PRMT1: variants seen among roughly 807,000 people sequenced by gnomAD.
PRMT1 encodes the protein protein arginine N-methyltransferase 1.
Under a neutral mutation model 47.4 loss-of-function variants are expected in PRMT1, and 5 were observed. That is an observed-to-expected ratio of 0.11 (90% CI 0.06 to 0.22). PRMT1 has a LOEUF of 0.22. PRMT1 is among the 10% of genes least tolerant of loss of function. PRMT1 has a pLI of 1.00. For synonymous variants in PRMT1, 227 were observed against 204.6 expected (o/e 1.11, Z -0.94); for missense variants, 249 against 518.4 (o/e 0.48, Z 5.05).
chr19:49,687,133 C>T (rs1000196752), intron 10 of PRMT1, among the ~76,000 whole-genome samples: 137 of 152,166 alleles, frequency 9.0e-4, no homozygotes, highest in African/African-American at 2.9e-3. Context: ...GTAGAGTGCA[C>T]GGGGTTTTCT....
intron 5 of PRMT1, among the ~76,000 whole-genome samples, chr19:49,683,272 C>T (rs1195019921): frequency 6.6e-6 from 1 of 151,918 alleles, no homozygotes; most frequent in East Asian, 1.9e-4. Flanking sequence ...CCATTTGAAG[C>T]AAATTCCCAC....
chr19:49,686,259 C>T lies in PRMT1; in HGVS notation c.910+16C>T. On this transcript the variant is annotated intron_variant, in intron 9 of 10. Transcript: ENST00000454376. ...TTCTCCACCAGTGAGGCGGGGCCCA[C>T]AGGGCTGGGGGCCGTTCCCGAGCCA... 6.3e-7 allele frequency: 1 copy of T among 1,580,126 alleles called. No homozygotes were observed. The highest frequency in any genetic ancestry group is 8.6e-7 in the Non-Finnish European group (1 of 1,163,664).
In PRMT1 at chr19:49,688,359, G is replaced by C. The variant is rs2082243650; in HGVS notation, c.*114G>C. 7.4e-6 allele frequency: 7 copies of C among 944,752 alleles called. No individual in the cohort carries two copies. The highest frequency in any genetic ancestry group is 6.6e-5 in the South Asian group (5 of 75,476). 58.5% of individuals were successfully genotyped at this position (944,752 alleles called of 1,614,324 possible). A position where few individuals can be genotyped will look rare whatever the true frequency, so the allele number is the denominator to read the frequency against. ...GAAGGGGGTTTTAGGGGCCTGGGCT[G>C]GGGGGATGGGGAGGGCACATCGTGA... On this transcript the variant is annotated 3_prime_UTR_variant, in exon 11 of 11. Transcript: ENST00000454376. The surrounding 1 kb of genome is among the most constrained non-coding windows in gnomAD (Gnocchi z 5.3).
intron 1 of PRMT1, among the ~76,000 whole-genome samples, chr19:49,678,846 G>T (rs2082074533): frequency 6.6e-6 from 1 of 150,594 alleles, no homozygotes; most frequent in Non-Finnish European, 1.5e-5. Context: ...TGGGATGGGT[G>T]TCTGAATGGG....
At chr19:49,687,649 CAA>C (rs2082228696) in intron 10 of PRMT1, among the ~76,000 whole-genome samples, 1 of 152,074 alleles carries the variant, frequency 6.6e-6, no homozygotes. Context: ...CCACCCCCTA[CAA>C]AGACTCATGC....
Position 49,679,905 on chromosome 19 carries a change from C to T in PRMT1, c.70C>T (p.Leu24Phe), listed in dbSNP as rs1774182795. ...FVATLANGMSLQPPLEEVSCG... is the reference protein window; with the variant it reads ...FVATLANGMSFQPPLEEVSCG... ...AGCCACCTTGGCTAATGGGATGAGC[C>T]TCCAGCCGCCTCTTGAAGAAGTAAA... Residue 24 changes from leucine to phenylalanine, a missense_variant, in exon 2 of 11, where the codon CTC (leucine) becomes TTC (phenylalanine). Physicochemically the swap from Leu to Phe is conservative, Grantham distance 22. This residue lies in a region of PRMT1 where 59 missense variants were observed against 61.7 expected (regional missense o/e 0.96). Coordinates refer to ENST00000454376, the MANE Select transcript of PRMT1 (RefSeq NM_001536.6). 1.9e-6 allele frequency: 3 copies of T among 1,612,918 alleles called. No individual in the cohort carries two copies.
Position 49,685,928 on chromosome 19 carries a change from A to T in PRMT1, c.760-165A>T. ...CCACATGGTTTATTGGGAGCCGGAT[A>T]GGCAGGATGCAGAGTGAAGGAGGAG... is the stretch of plus-strand genomic sequence containing the variant. On this transcript the variant is annotated intron_variant, in intron 8 of 10. Coordinates refer to ENST00000454376, the MANE Select transcript of PRMT1 (RefSeq NM_001536.6). This position sits in a 1 kb window ranked among gnomAD's most constrained non-coding sequence, Gnocchi z 4.7. The T allele has an allele frequency of 7.0e-7, 1 of 1,436,420 alleles. No homozygotes were observed. Among genetic ancestry groups the T allele is most frequent in the East Asian group, 2.5e-5 (1 of 39,786 alleles). The allele number at this position is 1,436,420 out of a possible 1,614,324, so 89.0% of individuals were successfully genotyped here.
rs1174701442 is a variant in PRMT1 at position 49,685,569 on chromosome 19, G to A, written c.760-524G>A. ...TTAAAAAAAAAAAATACGGCGATGA[G>A]TATTTGTTGAGCTGGGATGTGTGAG... On this transcript the variant is annotated intron_variant, in intron 8 of 10. Coordinates refer to ENST00000454376, the MANE Select transcript of PRMT1 (RefSeq NM_001536.6). This position sits in a 1 kb window ranked among gnomAD's most constrained non-coding sequence, Gnocchi z 4.7. The A allele has an allele frequency of 2.0e-6, 2 of 1,024,778 alleles. No individual in the cohort carries two copies. Among genetic ancestry groups the A allele is most frequent in the African/African-American group, 3.5e-5 (2 of 57,694 alleles). The allele number at this position is 1,024,778 out of a possible 1,614,324, so 63.5% of individuals were successfully genotyped here. A position where few individuals can be genotyped will look rare whatever the true frequency, so the allele number is the denominator to read the frequency against.
At chr19:49,679,591 G>A (rs2082084789) in intron 1 of PRMT1, 1 of 689,726 alleles carries the variant, frequency 1.4e-6, no homozygotes, top group East Asian at 2.7e-5. Flanking sequence ...CTGGATGGGG[G>A]AGGTGTGTGG....
At position 49,679,655 on chromosome 19, in the gene PRMT1, C is replaced by T. The variant is rs1219319483; in HGVS notation, c.37-217C>T. The T allele has an allele frequency of 4.3e-6, 3 of 693,726 alleles. No homozygotes were observed. In the East Asian group the frequency reaches 8.0e-5, roughly 19 times the overall value. 43.0% of individuals were successfully genotyped at this position (693,726 alleles called of 1,614,324 possible). On this transcript the variant is annotated intron_variant, in intron 1 of 10. Coordinates refer to ENST00000454376, the MANE Select transcript of PRMT1 (RefSeq NM_001536.6). Reference sequence around the variant, plus strand: ...TGGGGGTGGGCCACCATCTCTCCAGCCACAGCTGGGATAGGAGACCCCCCT... The same window carrying T: ...TGGGGGTGGGCCACCATCTCTCCAGTCACAGCTGGGATAGGAGACCCCCCT...
chr19:49,684,041 C>T lies in PRMT1; in HGVS notation c.527C>T (p.Thr176Ile). The T allele has an allele frequency of 2.5e-6, 4 of 1,614,204 alleles. No homozygotes were observed. The highest frequency in any genetic ancestry group is 3.4e-6 in the Non-Finnish European group (4 of 1,180,024). ...CTCTTCTACGAGTCCATGCTCAACA[C>T]CGTGCTCTATGCCCGGGACAAGTGG... ...YCLFYESMLNTVLYARDKWLA... is the reference protein window; with the variant it reads ...YCLFYESMLNIVLYARDKWLA... Residue 176 changes from threonine (T) to isoleucine (I), a missense_variant, in exon 6 of 11, where the codon ACC (threonine) becomes ATC (isoleucine). Thr to Ile is a moderately conservative substitution (Grantham distance 89, BLOSUM62 -1). This residue lies in a region of PRMT1 where 190 missense variants were observed against 456.7 expected (regional missense o/e 0.42). Transcript: ENST00000454376. This position sits in a 1 kb window ranked among gnomAD's most constrained non-coding sequence, Gnocchi z 6.2.
chr19:49,686,516 A>C, intron 9 of PRMT1, 89 bp from the exon 10 acceptor site: 1 of 1,139,230 alleles, frequency 8.8e-7, no homozygotes, highest in Non-Finnish European at 1.2e-6. Context: ...ATCAGCTGTC[A>C]TGGGGGTGGG....
chr19:49,679,788 C>A, intron 1 of PRMT1, 84 bp from the exon 2 acceptor site: 3 of 1,055,762 alleles, frequency 2.8e-6, no homozygotes, highest in East Asian at 2.5e-5. Context: ...AACCCACCCC[C>A]CGGCCAGAGC....
rs953413016 is a variant in PRMT1, at chr19:49,684,430, G to A, written c.556-324G>A. Among the ~76,000 whole-genome samples the A allele has an allele frequency of 6.6e-6, 1 of 152,090 alleles. No individual in the cohort carries two copies. Among genetic ancestry groups the A allele is most frequent in the African/African-American group, 2.4e-5 (1 of 41,420 alleles). ...GAGGCCCGTGTGGAAGGAGGGTCTA[G>A]AACGGCAGCAGGAGGAGGAGTGGAG... On this transcript the variant is annotated intron_variant, in intron 6 of 10. Coordinates refer to ENST00000454376, the MANE Select transcript of PRMT1 (RefSeq NM_001536.6). The surrounding 1 kb of genome is among the most constrained non-coding windows in gnomAD (Gnocchi z 6.2).
Position 49,688,255 on chromosome 19 carries a change from C to T in PRMT1, c.*10C>T, listed in dbSNP as rs1248849685. The T allele has an allele frequency of 6.2e-7, 1 of 1,613,310 alleles. No individual in the cohort carries two copies. Among genetic ancestry groups the T allele is most frequent in the Non-Finnish European group, 8.5e-7 (1 of 1,179,632 alleles). On this transcript the variant is annotated 3_prime_UTR_variant, in exon 11 of 11. Coordinates refer to ENST00000454376, the MANE Select transcript of PRMT1 (RefSeq NM_001536.6). This position sits in a 1 kb window ranked among gnomAD's most constrained non-coding sequence, Gnocchi z 5.3. ...CTACCGGATGCGCTGAGGCCCGGCT[C>T]TCCCGCCCTGCACGAGCCCAGGGGC...
intron 5 of PRMT1, 74 bp downstream of exon 5, chr19:49,682,333 G>A (rs2122969239): frequency 6.7e-7 from 1 of 1,484,978 alleles, no homozygotes; most frequent in East Asian, 2.3e-5. Context: ...CCTCTGAAGA[G>A]CAGTGGGGTC....
chr19:49,686,452 G>A (rs572836530), intron 9 of PRMT1, among the ~76,000 whole-genome samples, 153 bp from the exon 10 acceptor site: 4 of 152,006 alleles, frequency 2.6e-5, no homozygotes, highest in South Asian at 2.1e-4. Context: ...AGGCTGACAC[G>A]GTCCCTGTCT....
chr19:49,679,807 C>G, intron 1 of PRMT1, 65 bp from the exon 2 acceptor site: 1 of 1,363,074 alleles, frequency 7.3e-7, no homozygotes, highest in South Asian at 1.2e-5. Context: ...GCCCAGGTTC[C>G]GCCACCCAGC....
At position 49,685,710 on chromosome 19, in the gene PRMT1, G is replaced by A; in HGVS notation, c.760-383G>A. On this transcript the variant is annotated intron_variant, in intron 8 of 10. Transcript: ENST00000454376. The surrounding 1 kb of genome is among the most constrained non-coding windows in gnomAD (Gnocchi z 4.7). ...CCCCACTCGGGCCACCCTCCTGAGAGCCAGGGGAACTGGCGCAGGGTTTAG... is the reference window on the plus strand; with the variant it reads ...CCCCACTCGGGCCACCCTCCTGAGAACCAGGGGAACTGGCGCAGGGTTTAG... 2.9e-6 allele frequency: 3 copies of A among 1,052,024 alleles called. No individual in the cohort carries two copies. The highest frequency in any genetic ancestry group is 3.4e-5 in the African/African-American group (2 of 59,114). 65.2% of individuals were successfully genotyped at this position (1,052,024 alleles called of 1,614,324 possible). A position where few individuals can be genotyped will look rare whatever the true frequency, so the allele number is the denominator to read the frequency against.
Sources: allele counts gnomAD v4.1 joint callset (sites outside exome capture counted in the v4.1 genomes callset), GRCh38; gene constraint gnomAD v4.1.1; regional missense constraint gnomAD v4.1.1; non-coding constraint Gnocchi (gnomAD v3.1); transcripts MANE v1.5; gene names NCBI Gene and HGNC (gene_info 2026-07-23, HGNC 2026-07-21).